SCOC: variants seen among roughly 807,000 people sequenced by gnomAD.
The protein encoded by SCOC is short coiled coil protein.
A neutral mutation model predicts 9.9 loss-of-function variants in SCOC; 7 were observed. The ratio of observed to expected loss-of-function variants is 0.71; its 90% CI spans 0.40 to 1.33. The LOEUF (loss-of-function observed/expected upper bound fraction) is 1.33, where lower values mean the gene tolerates loss of function less well. SCOC is among the 40% of genes most tolerant of loss of function. The pLI, the probability that SCOC is intolerant of heterozygous loss-of-function variation, is 0.01. For synonymous variants in SCOC, 19 were observed against 28.2 expected (o/e 0.67, Z 1.03); for missense variants, 66 against 89.7 (o/e 0.74, Z 1.07).
chr4:140,366,183 C>CTT, intron 2 of SCOC: 2 of 9,456 alleles, frequency 2.1e-4, no homozygotes, highest in Non-Finnish European at 3.6e-4. Context: ...TTCTTTCTTT[C>CTT]TTTTTTTTTT....
At chr4:140,371,145 A>G (rs1728038228), upstream of SCOC, among the ~76,000 whole-genome samples, 1 of 152,118 alleles carries the variant, frequency 6.6e-6, no homozygotes, top group Admixed American at 6.5e-5. Context: ...TCGACCTCCC[A>G]AAGTGCTGGG....
chr4:140,271,874 A>G (rs1245327584), intron 1 of SCOC, among the ~76,000 whole-genome samples: 1 of 152,042 alleles, frequency 6.6e-6, no homozygotes, highest in African/African-American at 2.4e-5. Context: ...TTTGCACACT[A>G]GAGAGAGCAG....
At chr4:140,330,670 G>A (rs1732792524) in intron 1 of SCOC, among the ~76,000 whole-genome samples, 1 of 152,150 alleles carries the variant, frequency 6.6e-6, no homozygotes, top group Non-Finnish European at 1.5e-5. Context: ...TTTAATTCAT[G>A]GCTTTGTTTT....
intron 2 of SCOC, among the ~76,000 whole-genome samples, chr4:140,345,701 C>T (rs1026414288): frequency 6.6e-6 from 1 of 151,982 alleles, no homozygotes; most frequent in Non-Finnish European, 1.5e-5. Flanking sequence ...TTTCTTTTTA[C>T]AATATACATA....
At chr4:140,312,647 TCTCAAGCTCCTGAC>T (rs1399607545) in intron 1 of SCOC, among the ~76,000 whole-genome samples, 1 of 152,168 alleles carries the variant, frequency 6.6e-6, no homozygotes, top group Non-Finnish European at 1.5e-5. Context: ...CACAAGCTGG[TCTCAAGCTCCTGAC>T]CTCAAGTGAT....
At chr4:140,334,559 G>GT (rs951448350) in intron 1 of SCOC, among the ~76,000 whole-genome samples, 3 of 151,824 alleles carry the variant, frequency 2.0e-5, no homozygotes, top group South Asian at 2.1e-4. Context: ...TAGCGAAACT[G>GT]TTTTTTTTCC....
chr4:140,265,883 C>T (rs1730720661), intron 1 of SCOC, among the ~76,000 whole-genome samples: 1 of 152,204 alleles, frequency 6.6e-6, no homozygotes, highest in Admixed American at 6.5e-5. Context: ...CTCTCTCCCG[C>T]TGTGGGAGCT....
chr4:140,289,014 C>T (rs771388670), intron 1 of SCOC, among the ~76,000 whole-genome samples: 9 of 152,086 alleles, frequency 5.9e-5, no homozygotes, highest in Admixed American at 1.3e-4. Context: ...TGTCCACACA[C>T]ATGACACACA....
exon 2 of SCOC, chr4:140,343,690 T>A (rs1238001191): frequency 6.2e-7 from 1 of 1,613,228 alleles, no homozygotes; most frequent in African/African-American, 1.3e-5. Flanking sequence ...CACCAACATT[T>A]CTCTTGCAGA....
intron 3 of SCOC, among the ~76,000 whole-genome samples, chr4:140,380,117 A>C (rs1384868677): frequency 8.6e-5 from 13 of 151,942 alleles, no homozygotes; most frequent in Admixed American, 7.9e-4. Context: ...TGTCACTCAG[A>C]ACCTCCCACT....
chr4:140,300,832 T>C (rs1326766493), intron 1 of SCOC, among the ~76,000 whole-genome samples: 1 of 152,252 alleles, frequency 6.6e-6, no homozygotes, highest in African/African-American at 2.4e-5. Context: ...TATTATTTCC[T>C]GCCTTCAAGT....
intron 1 of SCOC, among the ~76,000 whole-genome samples, chr4:140,297,268 G>A (rs1428716316): frequency 2.2e-5 from 1 of 46,006 alleles, no homozygotes; most frequent in African/African-American, 1.6e-4. Flanking sequence ...TCTGGTGACT[G>A]TGGGGGGGGG....
intron 2 of SCOC, among the ~76,000 whole-genome samples, chr4:140,346,499 A>C (rs543467491): frequency 3.9e-5 from 6 of 152,230 alleles, no homozygotes; most frequent in Non-Finnish European, 7.4e-5. Context: ...TCTTATTCAG[A>C]GGAAGGCGAG....
chr4:140,275,811 C>T (rs1195048391), intron 1 of SCOC, among the ~76,000 whole-genome samples: 3 of 148,662 alleles, frequency 2.0e-5, no homozygotes, highest in Admixed American at 6.7e-5. Flanking sequence ...CCTGAACTCG[C>T]TCAGGTTTGT....
upstream of SCOC, among the ~76,000 whole-genome samples, chr4:140,370,068 T>C (rs1727987356): frequency 6.6e-6 from 1 of 152,030 alleles, no homozygotes; most frequent in Admixed American, 6.6e-5. Context: ...TATGTTTACA[T>C]TTTAGTTTAA....
At chr4:140,307,118 T>C (rs565472512) in intron 1 of SCOC, among the ~76,000 whole-genome samples, 2 of 152,326 alleles carry the variant, frequency 1.3e-5, no homozygotes, top group South Asian at 4.1e-4. Context: ...GGGCCATCTA[T>C]GAAGCAGACC....
At chr4:140,324,048 C>T (rs1357635624) in intron 1 of SCOC, among the ~76,000 whole-genome samples, 1 of 151,944 alleles carries the variant, frequency 6.6e-6, no homozygotes, top group East Asian at 1.9e-4. Flanking sequence ...TAGCAGATCC[C>T]AGGAAAGAAA....
chr4:140,291,174 G>T (rs1731459278), intron 1 of SCOC, among the ~76,000 whole-genome samples: 1 of 152,194 alleles, frequency 6.6e-6, no homozygotes, highest in African/African-American at 2.4e-5. Flanking sequence ...CTTTCTGAAA[G>T]CTGGCAGTCT....
At chr4:140,287,821 CAT>C (rs916615083) in intron 1 of SCOC, among the ~76,000 whole-genome samples, 12 of 152,052 alleles carry the variant, frequency 7.9e-5, no homozygotes, top group Non-Finnish European at 8.8e-5. Context: ...ATACCACACA[CAT>C]AGACACACAC....
Sources: gnomAD v4.1 joint callset for allele counts (sites outside exome capture counted in the v4.1 genomes callset) on GRCh38, gnomAD v4.1.1 for gene constraint, MANE v1.5 for transcripts, NCBI Gene and HGNC (gene_info 2026-07-23, HGNC 2026-07-21) for gene names.